Variants in STIM2 observed in about 807,000 individuals in gnomAD.
STIM2 encodes stromal interaction molecule 2.
Under a neutral mutation model 85.8 loss-of-function variants are expected in STIM2, and 31 were observed. That is an observed-to-expected ratio of 0.36 (90% CI 0.27 to 0.49). STIM2 has a LOEUF of 0.49. STIM2 is among the 20% of genes least tolerant of loss of function. The pLI is 0.98. For missense variants in STIM2, 841 were observed against 927.6 expected (o/e 0.91, Z 1.21); for synonymous variants, 356 against 331.1 (o/e 1.08, Z -0.82).
chr4:26,937,933 G>T lies in STIM2; in HGVS notation c.282+18299G>T, dbSNP rs565700125. On this transcript the variant is annotated intron_variant, in intron 2 of 11. Coordinates refer to ENST00000467087, the MANE Select transcript of STIM2 (RefSeq NM_020860.4). The stretch of plus-strand genomic sequence containing the variant: ...TAGCTTGTTTTCTACTAACATGACG[G>T]AAACACTCAGCAACTTTCCATTCCT... 3.3e-5 allele frequency among the ~76,000 whole-genome samples: 5 copies of T among 152,214 alleles called. No homozygotes were observed. In the East Asian group the frequency reaches 9.6e-4, roughly 29 times the overall value.
intron 1 of STIM2, among the ~76,000 whole-genome samples, chr4:26,910,459 G>T (rs1247843817): frequency 6.6e-6 from 1 of 152,110 alleles, no homozygotes; most frequent in East Asian, 1.9e-4. Context: ...CGGAGGCAGA[G>T]GTTACAGTGA....
intron 1 of STIM2, among the ~76,000 whole-genome samples, chr4:26,866,773 T>G (rs1722424832): frequency 6.6e-6 from 1 of 152,192 alleles, no homozygotes; most frequent in African/African-American, 2.4e-5. Context: ...GTACCTTTTC[T>G]TGGCATATCC....
intron 1 of STIM2, among the ~76,000 whole-genome samples, chr4:26,867,494 A>T (rs751175840): frequency 6.6e-6 from 1 of 152,228 alleles, no homozygotes; most frequent in Non-Finnish European, 1.5e-5. Context: ...ATGCTTATAT[A>T]AAGCTTTTAG....
chr4:26,971,360 C>T (rs573563017), intron 3 of STIM2, among the ~76,000 whole-genome samples: 1 of 151,962 alleles, frequency 6.6e-6, no homozygotes, highest in Admixed American at 6.6e-5. Context: ...TTTCTTCTAG[C>T]GTTTTTATGG....
intron 5 of STIM2, among the ~76,000 whole-genome samples, chr4:26,999,942 A>G (rs1408307807): frequency 6.6e-6 from 1 of 152,182 alleles, no homozygotes; most frequent in Non-Finnish European, 1.5e-5. Context: ...TTTGACAGGA[A>G]TATTTTTTCC....
At chr4:26,967,153 T>C (rs930647613) in intron 3 of STIM2, among the ~76,000 whole-genome samples, 16 of 152,206 alleles carry the variant, frequency 1.1e-4, no homozygotes, top group Non-Finnish European at 2.2e-4. Flanking sequence ...TTTATCGTTT[T>C]TATTTCCAGC....
rs182777461 is a variant in STIM2 at position 26,954,263 on chromosome 4, A to G, written c.283-3349A>G. On this transcript the variant is annotated intron_variant, in intron 2 of 11. Coordinates refer to ENST00000467087, the MANE Select transcript of STIM2 (RefSeq NM_020860.4). ...TAAAGCATTAACTTTCAGTGGTACT[A>G]GAAGAGTTTATTTAAAAGAATCGTC... Among the ~76,000 whole-genome samples, 683 of 152,298 alleles carry G rather than the reference A, an allele frequency of 4.5e-3. 8 individuals carry two copies. Among genetic ancestry groups the G allele is most frequent in the African/African-American group, 0.016 (662 of 41,568 alleles).
chr4:26,921,727 T>A (rs1021614854), intron 2 of STIM2, among the ~76,000 whole-genome samples: 1 of 152,244 alleles, frequency 6.6e-6, no homozygotes, highest in Non-Finnish European at 1.5e-5. Flanking sequence ...TAATCTTGTG[T>A]CTAGATTACT....
At position 26,992,671 on chromosome 4, in the gene STIM2, C is replaced by T. The variant is rs578021741; in HGVS notation, c.398-2708C>T. Among the ~76,000 whole-genome samples, 56 of 152,140 alleles carry T rather than the reference C, an allele frequency of 3.7e-4. 1 individual carries two copies. Among genetic ancestry groups the T allele is most frequent in the Middle Eastern group, 3.4e-3 (1 of 294 alleles). ...AGGAGCTTATACTCAGCAAACAGCA[C>T]GTACAGAGGCCCTGAAGAAGGACAT... On this transcript the variant is annotated intron_variant, in intron 3 of 11. Transcript: ENST00000467087.
intron 1 of STIM2, among the ~76,000 whole-genome samples, chr4:26,888,106 A>G (rs1320416799): frequency 6.6e-6 from 1 of 152,254 alleles, no homozygotes; most frequent in Non-Finnish European, 1.5e-5. Context: ...TGTTTACAAA[A>G]TACCATCACA....
At chr4:27,004,967 C>G (rs1728281768) in intron 7 of STIM2, among the ~76,000 whole-genome samples, 1 of 152,120 alleles carries the variant, frequency 6.6e-6, no homozygotes, top group Middle Eastern at 3.2e-3. Context: ...TGTAGAGAGG[C>G]TAGATAACTT....
At chr4:26,861,515 C>T (rs1013596898) in intron 1 of STIM2, 146 bp downstream of exon 1, 3 of 1,179,212 alleles carry the variant, frequency 2.5e-6, no homozygotes, top group South Asian at 3.6e-5. Flanking sequence ...TGCTTCGTCG[C>T]GGTCCCCTGC....
intron 3 of STIM2, among the ~76,000 whole-genome samples, chr4:26,966,894 T>G (rs1183333170): frequency 6.6e-6 from 1 of 152,156 alleles, no homozygotes; most frequent in African/African-American, 2.4e-5. Flanking sequence ...CTCATCTGGT[T>G]TTATATTTTA....
intron 3 of STIM2, among the ~76,000 whole-genome samples, chr4:26,966,747 G>A (rs747189017): frequency 1.3e-5 from 2 of 152,000 alleles, no homozygotes; most frequent in Non-Finnish European, 2.9e-5. Context: ...GTATAGCTCA[G>A]AGGAAATGAA....
intron 1 of STIM2, among the ~76,000 whole-genome samples, chr4:26,891,980 T>C (rs185036581): frequency 6.6e-6 from 1 of 152,210 alleles, no homozygotes; most frequent in South Asian, 2.1e-4. Flanking sequence ...TTTCCCATGC[T>C]GTTCTCATGA....
At chr4:26,929,604 A>G (rs1725126429) in intron 2 of STIM2, among the ~76,000 whole-genome samples, 1 of 152,094 alleles carries the variant, frequency 6.6e-6, no homozygotes, top group African/African-American at 2.4e-5. Context: ...AGTATTTAGC[A>G]TTTGAAAATT....
intron 2 of STIM2, among the ~76,000 whole-genome samples, chr4:26,922,914 A>G (rs929127812): frequency 6.6e-6 from 1 of 152,182 alleles, no homozygotes; most frequent in Non-Finnish European, 1.5e-5. Context: ...ACAAAGACCA[A>G]ATATATTTCT....
chr4:26,980,394 T>C (rs1727339526), intron 3 of STIM2, among the ~76,000 whole-genome samples: 1 of 152,112 alleles, frequency 6.6e-6, no homozygotes, highest in African/African-American at 2.4e-5. Flanking sequence ...AACTTGTTGG[T>C]TTGTCTCCAA....
In STIM2 at chr4:26,919,516, C is replaced by T; in HGVS notation, c.164C>T (p.Ser55Leu). 6.2e-7 allele frequency: 1 copy of T among 1,613,434 alleles called. No individual in the cohort carries two copies. The highest frequency in any genetic ancestry group is 8.5e-7 in the Non-Finnish European group (1 of 1,179,660). ...TGTTCTCTTTCAGATCCCTGCATGT[C>T]ACTGAGTCCACCATGCTTTACAGAA... is the stretch of plus-strand genomic sequence containing the variant. The change falls in exon 2 of 12, where the codon TCA (serine) becomes TTA (leucine). Residue 55 changes from serine (S) to leucine (L), a missense_variant. Physicochemically the swap from Ser to Leu is moderately radical, Grantham distance 145 (BLOSUM62 -2). Transcript: ENST00000467087.
Sources: allele counts gnomAD v4.1 joint callset (sites outside exome capture counted in the v4.1 genomes callset), GRCh38; gene constraint gnomAD v4.1.1; transcripts MANE v1.5; gene names NCBI Gene and HGNC (gene_info 2026-07-23, HGNC 2026-07-21).